Variants in DFFB observed in about 807,000 individuals in gnomAD.
DFFB encodes the protein DNA fragmentation factor subunit beta, also known as DNA fragmentation factor 40 kDa subunit.
In DFFB, 29 loss-of-function variants were observed where a neutral mutation model predicts 32.7. The ratio of observed to expected loss-of-function variants is 0.89; its 90% CI spans 0.66 to 1.21. The LOEUF (loss-of-function observed/expected upper bound fraction) is 1.21, where lower values mean the gene tolerates loss of function less well. Among genes scored for constraint, DFFB ranks in the 50% most tolerant of loss-of-function variants. DFFB has a pLI of 0.00. For missense variants in DFFB, 398 were observed against 440.6 expected (o/e 0.90, Z 0.87); for synonymous variants, 170 against 177.1 (o/e 0.96, Z 0.32).
chr1:3,883,379 G>T lies in DFFB; in HGVS notation c.783-128G>T, dbSNP rs1233152196. Reference sequence around the variant, plus strand: ...TCTGCTCAACAAACCTGGCCAGTAGGTGCGGCCGTGTGTCCGTGATAGCAC... The same window carrying T: ...TCTGCTCAACAAACCTGGCCAGTAGTTGCGGCCGTGTGTCCGTGATAGCAC... On this transcript the variant is annotated intron_variant, in intron 6 of 6. Coordinates refer to ENST00000378209, the MANE Select transcript of DFFB (RefSeq NM_004402.4). The T allele has an allele frequency of 3.6e-6, 3 of 831,090 alleles. No individual in the cohort carries two copies. In the Admixed American group the frequency reaches 7.4e-5, roughly 21 times the overall value. The allele number at this position is 831,090 out of a possible 1,614,324, so 51.5% of individuals were successfully genotyped here.
intron 2 of DFFB, among the ~76,000 whole-genome samples, chr1:3,864,362 G>C (rs576408782): frequency 6.6e-6 from 1 of 152,308 alleles, no homozygotes; most frequent in African/African-American, 2.4e-5. Context: ...CAAGTTGTGT[G>C]CTAGAGTGGC....
At chr1:3,863,073 G>C (rs4573474) in intron 2 of DFFB, among the ~76,000 whole-genome samples, 138,743 of 152,124 alleles carry the variant, frequency 0.91, 63,960 homozygotes, top group Middle Eastern at 0.96. Context: ...TGCTTGAACC[G>C]GGGAGGTGGA....
At chr1:3,876,441 A>T (rs1465883772) in intron 6 of DFFB, among the ~76,000 whole-genome samples, 1 of 152,200 alleles carries the variant, frequency 6.6e-6, no homozygotes, top group Non-Finnish European at 1.5e-5. Flanking sequence ...CTAAATATGT[A>T]TACTCACACA....
At chr1:3,867,143 G>A (rs1403109008) in intron 3 of DFFB, among the ~76,000 whole-genome samples, 3 of 152,118 alleles carry the variant, frequency 2.0e-5, no homozygotes, top group African/African-American at 7.2e-5. Flanking sequence ...TGATCCGCCC[G>A]CCTCGGCCTC....
chr1:3,866,267 C>T, intron 3 of DFFB: 1 of 532,914 alleles, frequency 1.9e-6, no homozygotes, highest in Non-Finnish European at 3.6e-6. Context: ...GAGATGGAGT[C>T]TTGCTCTGTC....
intron 6 of DFFB, among the ~76,000 whole-genome samples, chr1:3,881,018 C>T (rs1044417204): frequency 1.3e-5 from 2 of 152,206 alleles, no homozygotes; most frequent in Non-Finnish European, 2.9e-5. Flanking sequence ...GATGTCCACA[C>T]CCTGTGTGCT....
Position 3,858,765 on chromosome 1 carries a change from G to A in DFFB, c.162G>A (p.Glu54=), listed in dbSNP as rs781238042. The A allele has an allele frequency of 6.2e-7, 1 of 1,614,178 alleles. No individual in the cohort carries two copies. The highest frequency in any genetic ancestry group is 1.7e-5 in the Admixed American group (1 of 60,036). The stretch of plus-strand genomic sequence containing the variant: ...TGTGCCTGTACGAGGATGGCACGGA[G>A]CTGACGGAAGATTACTTCCCCAGTG... ...SRLCLYEDGT[E]LTEDYFPSVP... Residue 54 remains glutamate, a synonymous_variant, in exon 2 of 7, where the codon GAG becomes GAA. Coordinates refer to ENST00000378209, the MANE Select transcript of DFFB (RefSeq NM_004402.4).
intron 2 of DFFB, 26 bp downstream of exon 2, chr1:3,858,870 G>T: frequency 6.2e-7 from 1 of 1,610,934 alleles, no homozygotes; most frequent in Non-Finnish European, 8.5e-7. Flanking sequence ...TTTGGAGGTG[G>T]GCGGGAAGCT....
intron 2 of DFFB, chr1:3,860,633 C>G (rs904624897): frequency 1.3e-5 from 3 of 230,008 alleles, no homozygotes; most frequent in Non-Finnish European, 2.8e-5. Context: ...CAGATACAAC[C>G]GTGGTACAAT....
At chr1:3,881,270 G>A (rs1041000994) in intron 6 of DFFB, among the ~76,000 whole-genome samples, 1 of 152,210 alleles carries the variant, frequency 6.6e-6, no homozygotes, top group African/African-American at 2.4e-5. Context: ...CCAGCAGAAG[G>A]CCCCCCAGGC....
rs12079434 is a variant in DFFB at position 3,878,602 on chromosome 1, C to T, written c.783-4905C>T. Among the ~76,000 whole-genome samples the T allele has an allele frequency of 3.9e-3, 601 of 152,326 alleles. 3 individuals are homozygous for T. The highest frequency in any genetic ancestry group is 0.014 in the African/African-American group (576 of 41,578). On this transcript the variant is annotated intron_variant, in intron 6 of 6. Coordinates refer to ENST00000378209, the MANE Select transcript of DFFB (RefSeq NM_004402.4). ...TTGACTTACTTGAGTTTCCTTCTTT[C>T]CCTTGCCCATCACCCCACCCTTTTG...
At position 3,883,597 on chromosome 1, in the gene DFFB, C is replaced by T. The variant is rs1356481245; in HGVS notation, c.873C>T (p.Gly291=). ...GREVDWEYFY[G]LLFTSENLKL... Reference sequence around the variant, plus strand: ...AAGTGGACTGGGAGTATTTTTATGGCCTGCTTTTTACCTCAGAGAACCTAA... The same window carrying T: ...AAGTGGACTGGGAGTATTTTTATGGTCTGCTTTTTACCTCAGAGAACCTAA... The change falls in exon 7 of 7, where the codon GGC becomes GGT. Residue 291 remains glycine (G), a synonymous_variant. Coordinates refer to ENST00000378209, the MANE Select transcript of DFFB (RefSeq NM_004402.4). The T allele has an allele frequency of 2.5e-6, 4 of 1,614,170 alleles. No homozygotes were observed. Among genetic ancestry groups the T allele is most frequent in the Non-Finnish European group, 3.4e-6 (4 of 1,180,036 alleles).
At chr1:3,867,951 G>A (rs200175328) in intron 3 of DFFB, 23 bp from the exon 4 acceptor site, 1,735 of 1,613,406 alleles carry the variant, frequency 1.1e-3, no homozygotes, top group Non-Finnish European at 1.4e-3. Flanking sequence ...GTGGACTTGG[G>A]GGTCTTCTCG....
chr1:3,868,311 G>A (rs951114205), intron 4 of DFFB, among the ~76,000 whole-genome samples: 1 of 152,050 alleles, frequency 6.6e-6, no homozygotes, highest in African/African-American at 2.4e-5. Context: ...GGTGGCTCCT[G>A]CCTGCCTCCC....
chr1:3,877,721 C>T (rs1645252974), intron 6 of DFFB, among the ~76,000 whole-genome samples: 1 of 152,234 alleles, frequency 6.6e-6, no homozygotes, highest in South Asian at 2.1e-4. Flanking sequence ...AGCATGTTTT[C>T]GTGTTTGTGT....
rs778183196 is a variant in DFFB, at chr1:3,865,653, C to T, written c.242-159C>T. 31 of 1,120,576 alleles carry T rather than the reference C, an allele frequency of 2.8e-5. No homozygotes were observed. Among genetic ancestry groups the T allele is most frequent in the Middle Eastern group, 2.0e-4 (1 of 5,116 alleles). 69.4% of individuals were successfully genotyped at this position (1,120,576 alleles called of 1,614,324 possible). On this transcript the variant is annotated intron_variant, in intron 2 of 6. Transcript: ENST00000378209. The surrounding 1 kb of genome is among the most constrained non-coding windows in gnomAD (Gnocchi z 4.7). Reference sequence around the variant, plus strand: ...GTGCGTGGTCCCCAGCTGTTGGTGTCAGGGCAAGGACAAAGACCCGGGACA... The same window carrying T: ...GTGCGTGGTCCCCAGCTGTTGGTGTTAGGGCAAGGACAAAGACCCGGGACA...
intron 5 of DFFB, among the ~76,000 whole-genome samples, chr1:3,871,856 G>A (rs1645118987): frequency 6.6e-6 from 1 of 152,242 alleles, no homozygotes; most frequent in South Asian, 2.1e-4. Flanking sequence ...AGGGGAGGCA[G>A]GAGCAGGCAC....
At chr1:3,879,708 C>T (rs894877377) in intron 6 of DFFB, among the ~76,000 whole-genome samples, 3 of 152,144 alleles carry the variant, frequency 2.0e-5, no homozygotes, top group African/African-American at 4.8e-5. Flanking sequence ...CTGGAGCACA[C>T]TAAGACACTC....
intron 6 of DFFB, among the ~76,000 whole-genome samples, chr1:3,875,650 G>A (rs940311050): frequency 3.3e-5 from 5 of 152,092 alleles, no homozygotes; most frequent in African/African-American, 9.7e-5. Context: ...CTCTTTCCAC[G>A]TCTGTGGCCG....
Sources: allele counts gnomAD v4.1 joint callset (sites outside exome capture counted in the v4.1 genomes callset), GRCh38; gene constraint gnomAD v4.1.1; non-coding constraint Gnocchi (gnomAD v3.1); transcripts MANE v1.5; gene names NCBI Gene and HGNC (gene_info 2026-07-23, HGNC 2026-07-21).